Variants in KMT5B observed in about 807,000 individuals in gnomAD.
The protein encoded by KMT5B is histone-lysine N-methyltransferase KMT5B.
A neutral mutation model predicts 83.2 loss-of-function variants in KMT5B; 10 were observed. The observed-to-expected ratio is 0.12, with a 90% CI of 0.07 to 0.20. The LOEUF (loss-of-function observed/expected upper bound fraction) is 0.20, where lower values mean the gene tolerates loss of function less well. Among genes scored for constraint, KMT5B ranks in the 10% least tolerant of loss-of-function variants. The pLI, the probability that KMT5B is intolerant of heterozygous loss-of-function variation, is 1.00. For missense variants in KMT5B, 753 were observed against 1,067.2 expected, an observed-to-expected ratio of 0.71 and a Z score of 4.10; for synonymous variants, 349 against 388.8, an observed-to-expected ratio of 0.90 and a Z score of 1.20.
intron 10 of KMT5B, chr11:68,166,000 G>C: frequency 4.3e-6 from 7 of 1,612,368 alleles, no homozygotes; most frequent in Non-Finnish European, 5.9e-6. Context: ...TGAAAGTAGG[G>C]AGAAGAACCT....
chr11:68,193,301 T>C (rs1858306097), intron 1 of KMT5B, among the ~76,000 whole-genome samples: 1 of 152,230 alleles, frequency 6.6e-6, no homozygotes, highest in Non-Finnish European at 1.5e-5. Flanking sequence ...GTCAATTTCC[T>C]TTCCACAAAC....
rs764869208 is a variant in KMT5B at position 68,167,035 on chromosome 11, T to C, written c.1121A>G (p.Gln374Arg). The C allele has an allele frequency of 3.7e-6, 6 of 1,614,192 alleles. No homozygotes were observed. In the South Asian group the frequency reaches 6.6e-5, roughly 18 times the overall value. ...LGDSSKNSDSQSVSSNTDADT... is the reference protein window; with the variant it reads ...LGDSSKNSDSRSVSSNTDADT... ...TGCATCAGTGTTAGAGCTGACAGATTGACTGTCTGAATTTTTGCTGCTGTC... is the reference window on the plus strand; with the variant it reads ...TGCATCAGTGTTAGAGCTGACAGATCGACTGTCTGAATTTTTGCTGCTGTC... Residue 374 changes from glutamine to arginine, a missense_variant, in exon 10 of 11, where the codon CAA (glutamine) becomes CGA (arginine). Physicochemically the swap from Gln to Arg is conservative, Grantham distance 43 (BLOSUM62 1). Around this residue, in one of 9 missense-constraint regions of KMT5B, gnomAD observed 397 missense variants for 395.9 expected, o/e 1.00. Coordinates refer to ENST00000304363, the MANE Select transcript of KMT5B (RefSeq NM_017635.5).
chr11:68,173,671 G>GC (rs1357641397), intron 6 of KMT5B, 133 bp downstream of exon 6: 1 of 614,336 alleles, frequency 1.6e-6, no homozygotes, highest in Non-Finnish European at 2.8e-6. Context: ...ATGGGCCAAG[G>GC]CAACGGCGAT....
At chr11:68,175,350 C>T (rs1005212409) in intron 4 of KMT5B, among the ~76,000 whole-genome samples, 167 bp from the exon 5 acceptor site, 1 of 152,218 alleles carries the variant, frequency 6.6e-6, no homozygotes, top group African/African-American at 2.4e-5. Context: ...TACTACTATT[C>T]AAGTAATACT....
intron 1 of KMT5B, among the ~76,000 whole-genome samples, chr11:68,203,578 G>A (rs1440823293): frequency 1.3e-5 from 2 of 152,212 alleles, no homozygotes. Context: ...AAGCATTTGT[G>A]ACCAATATTC....
rs1038806837 is a variant in KMT5B, at chr11:68,155,057, A to G, written c.*2631T>C. On this transcript the variant is annotated 3_prime_UTR_variant, in exon 11 of 11. Transcript: ENST00000304363. ...TTACAACTCAGCAAAAACAATTTAT[A>G]ACAGTAATTTGAAAATGATTGAAAA... 1.3e-5 allele frequency: 2 copies of G among 152,270 alleles called. No individual in the cohort carries two copies. Among genetic ancestry groups the G allele is most frequent in the African/African-American group, 4.8e-5 (2 of 41,472 alleles). 9.4% of individuals were successfully genotyped at this position (152,270 alleles called of 1,614,324 possible).
At chr11:68,203,268 C>T (rs1396570837) in intron 1 of KMT5B, among the ~76,000 whole-genome samples, 1 of 152,218 alleles carries the variant, frequency 6.6e-6, no homozygotes, top group Non-Finnish European at 1.5e-5. Context: ...GGCACCGCAC[C>T]CGGCCCCATA....
chr11:68,180,010 T>C (rs1488429704), intron 4 of KMT5B, 122 bp downstream of exon 4: 3 of 1,182,006 alleles, frequency 2.5e-6, no homozygotes, highest in Non-Finnish European at 3.5e-6. Context: ...TTTAAAAGGT[T>C]TGTAAAATGT....
chr11:68,188,312 C>A (rs1857653688), intron 2 of KMT5B, among the ~76,000 whole-genome samples: 1 of 151,940 alleles, frequency 6.6e-6, no homozygotes, highest in South Asian at 2.1e-4. Context: ...GCGTGAGCCA[C>A]CACGCCCGGC....
intron 10 of KMT5B, among the ~76,000 whole-genome samples, chr11:68,162,407 G>C (rs756198103): frequency 6.6e-6 from 1 of 152,126 alleles, no homozygotes; most frequent in Non-Finnish European, 1.5e-5. Context: ...TGTCTGAAAG[G>C]CCCTCTGCTT....
chr11:68,161,167 C>T (rs1854827494), intron 10 of KMT5B, among the ~76,000 whole-genome samples: 1 of 152,060 alleles, frequency 6.6e-6, no homozygotes, highest in Non-Finnish European at 1.5e-5. Flanking sequence ...TTATTATCCA[C>T]TGGAACTATA....
intron 2 of KMT5B, among the ~76,000 whole-genome samples, chr11:68,186,994 AACTC>A (rs1047781963): frequency 2.0e-5 from 3 of 151,952 alleles, no homozygotes; most frequent in African/African-American, 4.8e-5. Context: ...CATACGACAC[AACTC>A]ACTTTTTTTT....
rs1323065427 is a variant in KMT5B at position 68,212,132 on chromosome 11, AC to A, written c.-77+1005del. On this transcript the variant is annotated intron_variant, in intron 1 of 10. Coordinates refer to ENST00000304363, the MANE Select transcript of KMT5B (RefSeq NM_017635.5). ...TATAGGCGTGTTCTCAATATTAAAG[AC>A]TAAAGGAAAAAAGTTATAGCTGGCA... Among the ~76,000 whole-genome samples, 205 of 152,358 alleles carry A rather than the reference AC, an allele frequency of 1.3e-3. 2 individuals carry two copies. Among genetic ancestry groups the A allele is most frequent in the East Asian group, 7.7e-4 (4 of 5,192 alleles).
chr11:68,213,075 C>T (rs1299885830), intron 1 of KMT5B, 63 bp downstream of exon 1: 2 of 136,990 alleles, frequency 1.5e-5, no homozygotes, highest in Non-Finnish European at 3.2e-5. Context: ...CGTCCCTGCC[C>T]GCCCCGTCAC....
intron 1 of KMT5B, among the ~76,000 whole-genome samples, chr11:68,194,425 A>T (rs184821002): frequency 6.6e-6 from 1 of 152,118 alleles, no homozygotes; most frequent in Non-Finnish European, 1.5e-5. Context: ...ACTCCTGGCC[A>T]CAAGCGATCC....
intron 4 of KMT5B, chr11:68,179,416 T>C (rs892862438): frequency 5.5e-6 from 7 of 1,275,510 alleles, no homozygotes; most frequent in Non-Finnish European, 6.2e-6. Context: ...CATTTACAAT[T>C]GATTATTATT....
chr11:68,188,050 A>G (rs1248856940), intron 2 of KMT5B, among the ~76,000 whole-genome samples: 1 of 140,370 alleles, frequency 7.1e-6, no homozygotes, highest in African/African-American at 2.7e-5. Context: ...TTTGAGATGG[A>G]GTCTCGCTCT....
chr11:68,192,181 GAC>G (rs1244633618), intron 1 of KMT5B, among the ~76,000 whole-genome samples: 7 of 152,080 alleles, frequency 4.6e-5, no homozygotes, highest in Non-Finnish European at 8.8e-5. Flanking sequence ...ATGTGTCCGA[GAC>G]ACACTCTATG....
At chr11:68,180,917 T>C (rs35250726) in intron 3 of KMT5B, among the ~76,000 whole-genome samples, 18,676 of 152,168 alleles carry the variant, frequency 0.12, 1,311 homozygotes, top group East Asian at 0.23. Context: ...TCCCAATAAA[T>C]TGAAATTAGC....
Sources: allele counts gnomAD v4.1 joint callset (sites outside exome capture counted in the v4.1 genomes callset), GRCh38; gene constraint gnomAD v4.1.1; regional missense constraint gnomAD v4.1.1; transcripts MANE v1.5; gene names NCBI Gene and HGNC (gene_info 2026-07-23, HGNC 2026-07-21).